The following OR6N1 variants were observed in gnomAD, a reference collection of about 807,000 sequenced individuals.
The protein encoded by OR6N1 is olfactory receptor family 6 subfamily N member 1.
For synonymous variants in OR6N1, 170 were observed against 150.7 expected, an observed-to-expected ratio of 1.13 and a Z score of -0.94; for missense variants, 394 against 371.7, an observed-to-expected ratio of 1.06 and a Z score of -0.49.
the OR6N1 span, among the ~76,000 whole-genome samples, chr1:158,820,927 G>A: frequency 6.6e-6 from 1 of 152,166 alleles, no homozygotes; most frequent in African/African-American, 2.4e-5. Flanking sequence ...AGAATCAGGG[G>A]ATATGAAAAA....
chr1:158,791,549 A>C, the OR6N1 span, among the ~76,000 whole-genome samples: 9 of 149,980 alleles, frequency 6.0e-5, no homozygotes, highest in Non-Finnish European at 1.3e-4. Context: ...AGCTCACTGC[A>C]AGCTCCGAGT....
At chr1:158,788,166 T>C in the OR6N1 span, among the ~76,000 whole-genome samples, 3 of 152,224 alleles carry the variant, frequency 2.0e-5, no homozygotes, top group Non-Finnish European at 4.4e-5. Context: ...TTATTGTTAA[T>C]AGAAGAAGCA....
At chr1:158,779,302 A>G in the OR6N1 span, among the ~76,000 whole-genome samples, 3 of 134,912 alleles carry the variant, frequency 2.2e-5, no homozygotes, top group Admixed American at 7.4e-5. Context: ...TCATACTGCA[A>G]TTGAAGAGAA....
At chr1:158,784,721 G>T in the OR6N1 span, among the ~76,000 whole-genome samples, 2 of 151,792 alleles carry the variant, frequency 1.3e-5, no homozygotes, top group African/African-American at 4.8e-5. Flanking sequence ...TGTCCTCTCG[G>T]TTCATTCATG....
the OR6N1 span, chr1:158,809,152 A>G: frequency 1.3e-5 from 2 of 152,974 alleles, no homozygotes. Context: ...ACACTGATAA[A>G]TAAGTACATG....
chr1:158,765,260 GA>G lies in OR6N1; in HGVS notation c.*483del, dbSNP rs1278339384. ...ATTAGCAAGTGACTGAATAAAACAT[GA>G]TTTAAATCCAGATATATATGAGTTC... On this transcript the variant is annotated 3_prime_UTR_variant, in exon 2 of 2. Transcript: ENST00000641846. 1.3e-5 allele frequency: 2 copies of G among 152,198 alleles called. No homozygotes were observed. The highest frequency in any genetic ancestry group is 2.9e-5 in the Non-Finnish European group (2 of 68,104). 9.4% of individuals were successfully genotyped at this position (152,198 alleles called of 1,614,324 possible).
chr1:158,801,115 G>GA, the OR6N1 span, among the ~76,000 whole-genome samples: 16 of 151,528 alleles, frequency 1.1e-4, no homozygotes, highest in Non-Finnish European at 2.2e-4. Context: ...AGAACAAAAT[G>GA]AAAAAAAGTC....
chr1:158,781,598 C>A, the OR6N1 span, among the ~76,000 whole-genome samples: 1 of 152,302 alleles, frequency 6.6e-6, no homozygotes, highest in African/African-American at 2.4e-5. Context: ...TTTCTTGACT[C>A]ACCTCCGAAA....
the OR6N1 span, among the ~76,000 whole-genome samples, chr1:158,834,379 C>T: frequency 6.6e-6 from 1 of 151,904 alleles, no homozygotes; most frequent in Non-Finnish European, 1.5e-5. Flanking sequence ...ACTACAGACA[C>T]GCGCCACCAT....
chr1:158,795,099 T>C, the OR6N1 span, among the ~76,000 whole-genome samples: 1 of 152,306 alleles, frequency 6.6e-6, no homozygotes, highest in Non-Finnish European at 1.5e-5. Context: ...CAGAGGGCAG[T>C]TCCCTGGCTG....
chr1:158,805,057 A>G, the OR6N1 span, among the ~76,000 whole-genome samples: 1 of 152,206 alleles, frequency 6.6e-6, no homozygotes, highest in African/African-American at 2.4e-5. Flanking sequence ...AAGCAAATAA[A>G]CTTTTAAAAC....
the OR6N1 span, among the ~76,000 whole-genome samples, chr1:158,812,294 T>C: frequency 6.6e-6 from 1 of 152,212 alleles, no homozygotes; most frequent in Admixed American, 6.5e-5. Flanking sequence ...CAGAAATATG[T>C]GCTAAAAATT....
chr1:158,770,877 T>C (rs1657409122), intron 1 of OR6N1, among the ~76,000 whole-genome samples: 2 of 152,222 alleles, frequency 1.3e-5, no homozygotes, highest in African/African-American at 4.8e-5. Context: ...TCTCCATTTT[T>C]GAAATGTTTT....
At chr1:158,818,112 A>AGT in the OR6N1 span, among the ~76,000 whole-genome samples, 4 of 152,210 alleles carry the variant, frequency 2.6e-5, no homozygotes, top group African/African-American at 9.7e-5. Flanking sequence ...GACTATTACT[A>AGT]AATACCAAAC....
chr1:158,777,165 A>T (rs114399082), upstream of OR6N1: 1,431 of 1,614,114 alleles, frequency 8.9e-4, 8 homozygotes, highest in African/African-American at 0.017. Flanking sequence ...TGACCTCAGA[A>T]ATGGGACACA....
At chr1:158,785,200 C>CT in the OR6N1 span, among the ~76,000 whole-genome samples, 1 of 152,030 alleles carries the variant, frequency 6.6e-6, no homozygotes, top group Admixed American at 6.5e-5. Flanking sequence ...ACAGTACTTG[C>CT]TTTTTTTGTT....
chr1:158,789,448 A>G, the OR6N1 span, among the ~76,000 whole-genome samples: 2 of 152,174 alleles, frequency 1.3e-5, no homozygotes, highest in East Asian at 1.9e-4. Flanking sequence ...ACTAATTTAA[A>G]TTCTCACCAA....
chr1:158,785,870 T>C, the OR6N1 span, among the ~76,000 whole-genome samples: 3 of 152,192 alleles, frequency 2.0e-5, no homozygotes, highest in Non-Finnish European at 4.4e-5. Context: ...AAACTTTTTC[T>C]TAAAGGGCCA....
chr1:158,824,986 G>A, the OR6N1 span, among the ~76,000 whole-genome samples: 1 of 152,144 alleles, frequency 6.6e-6, no homozygotes, highest in African/African-American at 2.4e-5. Context: ...TTAAAGTAAA[G>A]AGTTTCTGCA....
Sources: allele counts gnomAD v4.1 joint callset (sites outside exome capture counted in the v4.1 genomes callset), GRCh38; gene constraint gnomAD v4.1.1; transcripts MANE v1.5; gene names NCBI Gene and HGNC (gene_info 2026-07-23, HGNC 2026-07-21).